The following DDAH1 variants were observed in gnomAD, a reference collection of about 807,000 sequenced individuals.
The protein encoded by DDAH1 is N(G),N(G)-dimethylarginine dimethylaminohydrolase 1.
A neutral mutation model predicts 28.8 loss-of-function variants in DDAH1; 19 were observed. The observed-to-expected ratio is 0.66, with a 90% CI of 0.46 to 0.97. The LOEUF (loss-of-function observed/expected upper bound fraction) is 0.97. DDAH1 is among the 50% of genes least tolerant of loss of function. The probability of loss-of-function intolerance (pLI) is 0.00; values close to 1 mark genes in which losing one functional copy is unlikely to be tolerated. For missense variants in DDAH1, 326 were observed against 375.9 expected, an observed-to-expected ratio of 0.87 and a Z score of 1.10; for synonymous variants, 153 against 154.4, an observed-to-expected ratio of 0.99 and a Z score of 0.07.
chr1:85,362,606 T>G (rs1197101226), intron 1 of DDAH1, among the ~76,000 whole-genome samples: 1 of 152,164 alleles, frequency 6.6e-6, no homozygotes, highest in African/African-American at 2.4e-5. Flanking sequence ...AAAGTCTTTA[T>G]CACTTATTAG....
intron 4 of DDAH1, among the ~76,000 whole-genome samples, chr1:85,325,739 C>A (rs911756069): frequency 6.6e-6 from 1 of 152,118 alleles, no homozygotes. Flanking sequence ...ATACCTCATC[C>A]TTACCTCCTC....
intron 1 of DDAH1, among the ~76,000 whole-genome samples, chr1:85,526,454 T>C (rs1355530053): frequency 6.6e-6 from 1 of 152,216 alleles, no homozygotes; most frequent in Non-Finnish European, 1.5e-5. Flanking sequence ...AATAGGGCCT[T>C]ATGACAAACT....
intron 1 of DDAH1, among the ~76,000 whole-genome samples, chr1:85,431,937 G>T (rs1653705134): frequency 6.6e-6 from 1 of 152,142 alleles, no homozygotes; most frequent in Admixed American, 6.6e-5. Flanking sequence ...TCAGGCACCT[G>T]ATCTATGCTA....
intron 1 of DDAH1, among the ~76,000 whole-genome samples, chr1:85,390,812 C>T (rs1570473564): frequency 1.3e-5 from 2 of 152,264 alleles, no homozygotes; most frequent in Admixed American, 6.5e-5. Flanking sequence ...AGTATGCCTG[C>T]CTTTTTCACG....
intron 1 of DDAH1, among the ~76,000 whole-genome samples, chr1:85,542,827 T>A (rs1658510225): frequency 6.6e-6 from 1 of 152,188 alleles, no homozygotes; most frequent in Admixed American, 6.5e-5. Context: ...ATCAAGGAAA[T>A]CTTTGAAACA....
chr1:85,459,816 A>C (rs1176658946), intron 1 of DDAH1, among the ~76,000 whole-genome samples: 1 of 152,254 alleles, frequency 6.6e-6, no homozygotes, highest in Admixed American at 6.5e-5. Flanking sequence ...TTTAAACTAA[A>C]GTGAAAACAA....
chr1:85,411,248 T>C (rs1055823231), intron 1 of DDAH1, among the ~76,000 whole-genome samples: 1 of 152,174 alleles, frequency 6.6e-6, no homozygotes, highest in African/African-American at 2.4e-5. Flanking sequence ...AGCAATAAAT[T>C]GTTATGAATT....
At chr1:85,427,860 C>T (rs1315235968) in intron 1 of DDAH1, among the ~76,000 whole-genome samples, 3 of 152,094 alleles carry the variant, frequency 2.0e-5, no homozygotes, top group African/African-American at 7.2e-5. Context: ...CCGCAAATAT[C>T]ACAGGTGAGG....
At chr1:85,396,454 TA>T (rs1439242477) in intron 1 of DDAH1, among the ~76,000 whole-genome samples, 1 of 151,972 alleles carries the variant, frequency 6.6e-6, no homozygotes, top group African/African-American at 2.4e-5. Flanking sequence ...TCACAGGAAC[TA>T]ATAGAATGGA....
rs889535971 is a variant in DDAH1 at position 85,550,894 on chromosome 1, G to A, written c.-123+27090C>T. Reference sequence around the variant, plus strand: ...GCTAGCACTGACTGGATTACATAAAGCTGTTCATGGCAGAGTTCTTGGTAA... The same window carrying A: ...GCTAGCACTGACTGGATTACATAAAACTGTTCATGGCAGAGTTCTTGGTAA... On this transcript the variant is annotated intron_variant, in intron 1 of 6. Coordinates refer to the DDAH1 transcript ENST00000426972. Among the ~76,000 whole-genome samples the A allele has an allele frequency of 3.3e-5, 5 of 152,300 alleles. No homozygotes were observed. In the East Asian group the frequency reaches 7.7e-4, roughly 24 times the overall value.
At chr1:85,365,144 T>C (rs1375534295) in intron 1 of DDAH1, among the ~76,000 whole-genome samples, 1 of 152,160 alleles carries the variant, frequency 6.6e-6, no homozygotes, top group African/African-American at 2.4e-5. Flanking sequence ...ATGAGAAAAC[T>C]GGGGCAGAGT....
At chr1:85,481,039 T>C (rs1253161443) in intron 2 of DDAH1, among the ~76,000 whole-genome samples, 1 of 151,686 alleles carries the variant, frequency 6.6e-6, no homozygotes, top group Non-Finnish European at 1.5e-5. Flanking sequence ...TGTTTTCCAA[T>C]TTTTCTTTAA....
At position 85,370,287 on chromosome 1, in the gene DDAH1, T is replaced by C. The variant is rs1232001482; in HGVS notation, c.304-11440A>G. Among the ~76,000 whole-genome samples, 4 of 152,170 alleles carry C rather than the reference T, an allele frequency of 2.6e-5. No individual in the cohort carries two copies. The East Asian group carries it at 7.7e-4, about 29-fold the overall frequency. On this transcript the variant is annotated intron_variant, in intron 1 of 5. Coordinates refer to ENST00000284031, the MANE Select transcript of DDAH1 (RefSeq NM_012137.4). ...AGAAGAAACCAACCCTTCCAATACC[T>C]TGATATCAGACTGCTAGCCTCCAGC...
chr1:85,403,732 T>C (rs918442287), intron 1 of DDAH1, among the ~76,000 whole-genome samples: 16 of 152,180 alleles, frequency 1.1e-4, no homozygotes, highest in African/African-American at 3.9e-4. Context: ...AAAGATCTAT[T>C]TTCCCCCAAA....
intron 1 of DDAH1, among the ~76,000 whole-genome samples, chr1:85,438,931 G>A (rs568528490): frequency 2.0e-4 from 31 of 152,232 alleles, no homozygotes; most frequent in African/African-American, 6.0e-4. Context: ...AAAAGGATGG[G>A]TATTGAACTC....
rs545885975 is a variant in DDAH1 at position 85,442,205 on chromosome 1, T to A, written c.303+22538A>T. Among the ~76,000 whole-genome samples, 5 of 152,192 alleles carry A rather than the reference T, an allele frequency of 3.3e-5. No homozygotes were observed. In the South Asian group the frequency reaches 1.0e-3, roughly 32 times the overall value. On this transcript the variant is annotated intron_variant, in intron 1 of 5. Coordinates refer to ENST00000284031, the MANE Select transcript of DDAH1 (RefSeq NM_012137.4). ...CCCGCCACCCCACGACAGGCCCCAG[T>A]GTGTGATGTTCTCCATCCTATGTCC...
chr1:85,505,366 A>G (rs1656978921), intron 1 of DDAH1, among the ~76,000 whole-genome samples: 1 of 152,192 alleles, frequency 6.6e-6, no homozygotes, highest in South Asian at 2.1e-4. Context: ...AGAATATAAT[A>G]CAGAGGAACA....
intron 1 of DDAH1, among the ~76,000 whole-genome samples, chr1:85,539,432 C>A (rs1297772328): frequency 1.3e-5 from 2 of 152,326 alleles, no homozygotes; most frequent in Non-Finnish European, 2.9e-5. Context: ...CGGGAGCCAC[C>A]GCGCCTTGCC....
At chr1:85,337,107 T>C (rs1648179677) in intron 4 of DDAH1, among the ~76,000 whole-genome samples, 1 of 152,182 alleles carries the variant, frequency 6.6e-6, no homozygotes, top group South Asian at 2.1e-4. Context: ...AAAAACCATA[T>C]GATTAATAGA....
Sources: gnomAD v4.1 joint callset for allele counts (sites outside exome capture counted in the v4.1 genomes callset) on GRCh38, gnomAD v4.1.1 for gene constraint, MANE v1.5 for transcripts, NCBI Gene and HGNC (gene_info 2026-07-23, HGNC 2026-07-21) for gene names.